Variants in HPS5 observed in about 807,000 individuals in gnomAD.
HPS5 encodes HPS5 biogenesis of lysosomal organelles complex 2 subunit 2.
Under a neutral mutation model 128.0 loss-of-function variants are expected in HPS5, and 83 were observed. The observed-to-expected ratio is 0.65, with a 90% CI of 0.54 to 0.78. The LOEUF (loss-of-function observed/expected upper bound fraction) is 0.78. HPS5 is among the 30% of genes least tolerant of loss of function. The probability of loss-of-function intolerance (pLI) is 0.00; values close to 1 mark genes in which losing one functional copy is unlikely to be tolerated. For missense variants in HPS5, 1,281 were observed against 1,326.2 expected, an observed-to-expected ratio of 0.97 and a Z score of 0.53; for synonymous variants, 475 against 470.2, an observed-to-expected ratio of 1.01 and a Z score of -0.13.
intron 12 of HPS5, chr11:18,296,334 C>G: frequency 1.7e-6 from 1 of 579,300 alleles, no homozygotes; most frequent in South Asian, 2.0e-5. Context: ...CTTCATTTGC[C>G]TACTAACCCT....
intron 8 of HPS5, among the ~76,000 whole-genome samples, chr11:18,304,540 G>A (rs903030219): frequency 6.6e-6 from 1 of 152,178 alleles, no homozygotes; most frequent in Non-Finnish European, 1.5e-5. Flanking sequence ...ATACTTCAGT[G>A]TAGGAAGTAT....
chr11:18,291,307 TG>T, intron 16 of HPS5, 134 bp downstream of exon 16: 2 of 564,822 alleles, frequency 3.5e-6, no homozygotes, highest in Non-Finnish European at 6.3e-6. Context: ...TTAAAATGAA[TG>T]GAAAACAGAA....
chr11:18,312,310 T>C (rs1863109643), intron 2 of HPS5, among the ~76,000 whole-genome samples: 1 of 152,254 alleles, frequency 6.6e-6, no homozygotes, highest in African/African-American at 2.4e-5. Flanking sequence ...AGACTTCATA[T>C]TTTGTGTAAT....
intron 21 of HPS5, among the ~76,000 whole-genome samples, chr11:18,282,914 A>C (rs1207014113): frequency 6.6e-6 from 1 of 152,222 alleles, no homozygotes; most frequent in East Asian, 1.9e-4. Flanking sequence ...AGTAGGAGCC[A>C]TCAGAAATAA....
chr11:18,290,307 T>C (rs1341139345), intron 16 of HPS5, among the ~76,000 whole-genome samples: 1 of 152,250 alleles, frequency 6.6e-6, no homozygotes, highest in Non-Finnish European at 1.5e-5. Flanking sequence ...TCTATTTATG[T>C]ATGAGTTACT....
chr11:18,292,474 A>C lies in HPS5; in HGVS notation c.1862+425T>G, dbSNP rs371555675. ...CTTTCAAAATGCTGGGATTACAGTC[A>C]TGAGCCACCACGCCCAGCCTACTTC... On this transcript the variant is annotated intron_variant, in intron 15 of 22. Coordinates refer to ENST00000349215, the MANE Select transcript of HPS5 (RefSeq NM_181507.2). Among the ~76,000 whole-genome samples, 8 of 152,134 alleles carry C rather than the reference A, an allele frequency of 5.3e-5. No individual in the cohort carries two copies. The East Asian group carries it at 5.8e-4, about 11-fold the overall frequency.
Position 18,281,839 on chromosome 11 carries a change from C to T in HPS5, c.3329+111G>A, listed in dbSNP as rs934010081. The T allele has an allele frequency of 2.7e-5, 33 of 1,237,574 alleles. No individual in the cohort carries two copies. In the Admixed American group the frequency reaches 5.4e-4, roughly 20 times the overall value. The allele number at this position is 1,237,574 out of a possible 1,614,324, so 76.7% of individuals were successfully genotyped here. The stretch of plus-strand genomic sequence containing the variant: ...TAATTACCACATCAGTCTCAGTCTC[C>T]TCATGTTAGTGATGGGTCGGGACTA... On this transcript the variant is annotated intron_variant, in intron 22 of 22. Coordinates refer to ENST00000349215, the MANE Select transcript of HPS5 (RefSeq NM_181507.2).
At chr11:18,317,656 C>T (rs1409393340) in intron 2 of HPS5, 95 bp downstream of exon 2, 10 of 1,246,616 alleles carry the variant, frequency 8.0e-6, no homozygotes, top group Non-Finnish European at 1.2e-5. Context: ...GTAAGAACAC[C>T]CAAGATTCCA....
intron 2 of HPS5, chr11:18,314,603 A>C (rs2133882057): frequency 6.6e-6 from 1 of 152,378 alleles, no homozygotes. Context: ...GTATATTTAA[A>C]GCAACTTTTA....
chr11:18,291,838 C>T lies in HPS5; in HGVS notation c.2044G>A (p.Gly682Arg). The change falls in exon 16 of 23, where the codon GGA becomes AGA. Residue 682 changes from glycine (G) to arginine (R), a missense_variant. Coordinates refer to ENST00000349215, the MANE Select transcript of HPS5 (RefSeq NM_181507.2). ...TTTTCATTATCTTCATCTAATATTC[C>T]CTTTTTTGATTCATTAACTAATAGC... ...DVLLVNESKKGILDEDNEKEK... is the reference protein window; with the variant it reads ...DVLLVNESKKRILDEDNEKEK... 5.0e-6 allele frequency: 8 copies of T among 1,611,564 alleles called. No individual in the cohort carries two copies. Among genetic ancestry groups the T allele is most frequent in the Non-Finnish European group, 6.8e-6 (8 of 1,179,072 alleles).
In HPS5 at chr11:18,310,884, G is replaced by C; in HGVS notation, c.334C>G (p.Pro112Ala). Residue 112 changes from proline (P) to alanine (A), a missense_variant, in exon 5 of 23, where the codon CCG (proline) becomes GCG (alanine). By Grantham distance (27) the Pro-to-Ala change is conservative. Coordinates refer to ENST00000349215, the MANE Select transcript of HPS5 (RefSeq NM_181507.2). ...TCTGAAGACACATACATTTGTTCCG[G>C]TTTCCCACGACGCTCTTGATTTAAT... Reference protein sequence around the residue: ...WELNQERRGKPEQMYVSSEHK... With the variant: ...WELNQERRGKAEQMYVSSEHK... 1.9e-6 allele frequency: 3 copies of C among 1,611,684 alleles called. No homozygotes were observed. Among genetic ancestry groups the C allele is most frequent in the Non-Finnish European group, 2.5e-6 (3 of 1,179,162 alleles).
chr11:18,295,147 T>G lies in HPS5; in HGVS notation c.1657A>C (p.Thr553Pro). The G allele has an allele frequency of 6.2e-7, 1 of 1,614,078 alleles. No homozygotes were observed. Among genetic ancestry groups the G allele is most frequent in the Middle Eastern group, 1.7e-4 (1 of 6,056 alleles). ...TGAAGGGTGCCAATCTTCTCAGTAGTTTTACGCACAAAGCTAGAAACACTA... is the reference window on the plus strand; with the variant it reads ...TGAAGGGTGCCAATCTTCTCAGTAGGTTTACGCACAAAGCTAGAAACACTA... ...KESVSSFVRKTTEKIGTLHTS... is the reference protein window; with the variant it reads ...KESVSSFVRKPTEKIGTLHTS... Residue 553 changes from threonine to proline, a missense_variant, in exon 14 of 23, where the codon ACT becomes CCT. Coordinates refer to ENST00000349215, the MANE Select transcript of HPS5 (RefSeq NM_181507.2).
Position 18,297,621 on chromosome 11 carries a change from T to A in HPS5, c.1261A>T (p.Ile421Phe). The A allele has an allele frequency of 6.2e-7, 1 of 1,614,034 alleles. No individual in the cohort carries two copies. Among genetic ancestry groups the A allele is most frequent in the Non-Finnish European group, 8.5e-7 (1 of 1,179,886 alleles). ...NDLISQLEELILKFEPLDSAC... is the reference protein window; with the variant it reads ...NDLISQLEELFLKFEPLDSAC... ...GAATCCAAAGGTTCAAATTTTAAGA[T>A]CAATTCTTCCAGTTGAGAAATTAGA... Residue 421 changes from isoleucine to phenylalanine, a missense_variant, in exon 11 of 23, where the codon ATC (isoleucine) becomes TTC (phenylalanine). Transcript: ENST00000349215.
chr11:18,280,679 A>G lies in HPS5; in HGVS notation c.3330-737T>C, dbSNP rs576219983. On this transcript the variant is annotated intron_variant, in intron 22 of 22. Transcript: ENST00000349215. ...TGAATGGATAAACAAAAGGTGGCAT[A>G]TATATACAACGGAATATTATTCAGC... 3.6e-4 allele frequency: 238 copies of G among 661,944 alleles called. 2 individuals carry two copies. Among genetic ancestry groups the G allele is most frequent in the Admixed American group, 4.4e-4 (19 of 43,148 alleles). The allele number at this position is 661,944 out of a possible 1,614,324, so 41.0% of individuals were successfully genotyped here.
At chr11:18,311,743 T>G (rs1863041139) in intron 3 of HPS5, 171 bp downstream of exon 3, 1 of 672,960 alleles carries the variant, frequency 1.5e-6, no homozygotes, top group Non-Finnish European at 2.7e-6. Context: ...ACTCCTGACC[T>G]CAGGTAATCC....
At chr11:18,302,845 G>A (rs11603387) in intron 8 of HPS5, among the ~76,000 whole-genome samples, 1 of 121,348 alleles carries the variant, frequency 8.2e-6, no homozygotes, top group African/African-American at 3.2e-5. Flanking sequence ...GGTGTCAGAG[G>A]ATCCCTGAGA....
Position 18,312,042 on chromosome 11 carries a change from G to T in HPS5, c.109-18C>A. On this transcript the variant is annotated intron_variant, in intron 2 of 22. Coordinates refer to ENST00000349215, the MANE Select transcript of HPS5 (RefSeq NM_181507.2). ...CTCGTGCACTAAAAACATGTGAAGA[G>T]AAGTGTGAGATAATCACAGCTACTT... The T allele has an allele frequency of 1.9e-6, 3 of 1,568,444 alleles. No individual in the cohort carries two copies. The highest frequency in any genetic ancestry group is 2.6e-6 in the Non-Finnish European group (3 of 1,138,684).
intron 18 of HPS5, chr11:18,286,921 AGGG>A: frequency 1.6e-6 from 1 of 632,318 alleles, no homozygotes; most frequent in Non-Finnish European, 2.7e-6. Flanking sequence ...AAAAAAAAAA[AGGG>A]AGAGAAAGAG....
intron 9 of HPS5, among the ~76,000 whole-genome samples, chr11:18,300,409 G>T (rs545910992): frequency 6.6e-6 from 1 of 152,074 alleles, no homozygotes; most frequent in Admixed American, 6.6e-5. Context: ...AACTGGGCAC[G>T]GTGGCTCACA....
Sources: allele counts gnomAD v4.1 joint callset (sites outside exome capture counted in the v4.1 genomes callset), GRCh38; gene constraint gnomAD v4.1.1; transcripts MANE v1.5; gene names NCBI Gene and HGNC (gene_info 2026-07-23, HGNC 2026-07-21).